CCDC60: variants seen among roughly 807,000 people sequenced by gnomAD.
CCDC60 encodes coiled-coil domain containing 60.
In CCDC60, 54 loss-of-function variants were observed where a neutral mutation model predicts 63.5. The ratio of observed to expected loss-of-function variants is 0.85; its 90% CI spans 0.68 to 1.07. The LOEUF (loss-of-function observed/expected upper bound fraction) is 1.07. CCDC60 is among the 50% of genes least tolerant of loss of function. The pLI is 0.00. For missense variants in CCDC60, 651 were observed against 684.3 expected (o/e 0.95, Z 0.54); for synonymous variants, 206 against 238.8 (o/e 0.86, Z 1.27).
At chr12:119,527,881 C>T (rs112483766) in intron 11 of CCDC60, among the ~76,000 whole-genome samples, 6,815 of 151,352 alleles carry the variant, frequency 0.045, 463 homozygotes, top group African/African-American at 0.16. Context: ...CGGGGTTTCA[C>T]CATGTTAGCC....
At chr12:119,422,898 T>A (rs1024686052) in intron 1 of CCDC60, among the ~76,000 whole-genome samples, 3 of 152,214 alleles carry the variant, frequency 2.0e-5, no homozygotes, top group African/African-American at 7.2e-5. Context: ...GGCAAGTGAA[T>A]TTCAATGGCA....
intron 13 of CCDC60, among the ~76,000 whole-genome samples, chr12:119,533,570 T>C (rs2136542802): frequency 6.6e-6 from 1 of 152,380 alleles, no homozygotes; most frequent in East Asian, 1.9e-4. Flanking sequence ...TTTAAGTCTT[T>C]AATCCATCTT....
chr12:119,537,380 T>G (rs1372651171), intron 13 of CCDC60, among the ~76,000 whole-genome samples: 2 of 152,236 alleles, frequency 1.3e-5, no homozygotes, highest in African/African-American at 2.4e-5. Context: ...TGGAGAAGTT[T>G]GTTATTACCG....
intron 13 of CCDC60, among the ~76,000 whole-genome samples, chr12:119,538,569 A>G (rs1593235538): frequency 6.6e-6 from 1 of 152,344 alleles, no homozygotes; most frequent in East Asian, 1.9e-4. Flanking sequence ...TAAACTGGTT[A>G]TTCTAGTTAG....
chr12:119,340,587 C>T (rs1373850031), intron 1 of CCDC60, among the ~76,000 whole-genome samples: 1 of 151,956 alleles, frequency 6.6e-6, no homozygotes, highest in African/African-American at 2.4e-5. Flanking sequence ...GCCTTAGAAG[C>T]CCAATCCAGC....
chr12:119,479,291 C>A, intron 4 of CCDC60, 90 bp downstream of exon 4: 1 of 863,556 alleles, frequency 1.2e-6, no homozygotes, highest in South Asian at 1.5e-5. Context: ...ATGTCAGTAG[C>A]TGTTCCTTTG....
intron 1 of CCDC60, among the ~76,000 whole-genome samples, chr12:119,361,947 A>T (rs982179775): frequency 5.9e-5 from 9 of 152,250 alleles, no homozygotes; most frequent in Admixed American, 5.2e-4. Flanking sequence ...CAGTATAATG[A>T]GTATGGCCAT....
intron 1 of CCDC60, among the ~76,000 whole-genome samples, chr12:119,412,767 C>T (rs910474421): frequency 8.3e-5 from 10 of 120,760 alleles, no homozygotes; most frequent in East Asian, 3.0e-4. Flanking sequence ...CCCCCCACCC[C>T]CCCCCACCCC....
intron 9 of CCDC60, among the ~76,000 whole-genome samples, chr12:119,520,761 C>G (rs954016145): frequency 3.3e-5 from 5 of 152,040 alleles, no homozygotes; most frequent in African/African-American, 9.7e-5. Flanking sequence ...AGGCTGGTCT[C>G]AAACTCCTGA....
chr12:119,409,506 G>A (rs1267641489), intron 1 of CCDC60, among the ~76,000 whole-genome samples: 3 of 152,126 alleles, frequency 2.0e-5, no homozygotes, highest in African/African-American at 4.8e-5. Flanking sequence ...GCAGCTACTA[G>A]GCAGCAGCAA....
intron 2 of CCDC60, among the ~76,000 whole-genome samples, chr12:119,440,674 T>A (rs1437304646): frequency 6.6e-6 from 1 of 152,032 alleles, no homozygotes; most frequent in Non-Finnish European, 1.5e-5. Context: ...GGAAGTAGTC[T>A]CAGGATCGAC....
At chr12:119,367,007 A>G (rs1015667545) in intron 1 of CCDC60, among the ~76,000 whole-genome samples, 3 of 151,934 alleles carry the variant, frequency 2.0e-5, no homozygotes, top group African/African-American at 7.3e-5. Flanking sequence ...TAATTTTTGT[A>G]TTTTTAATAC....
intron 13 of CCDC60, among the ~76,000 whole-genome samples, chr12:119,532,731 T>C (rs541068412): frequency 2.5e-4 from 38 of 152,340 alleles, no homozygotes; most frequent in Non-Finnish European, 4.1e-4. Flanking sequence ...TCTATGTCCC[T>C]GCAAAGGACA....
At chr12:119,406,444 C>G (rs1287321217) in intron 1 of CCDC60, among the ~76,000 whole-genome samples, 1 of 152,096 alleles carries the variant, frequency 6.6e-6, no homozygotes, top group Non-Finnish European at 1.5e-5. Context: ...TTATTTTCAT[C>G]CCTTCATCCA....
intron 4 of CCDC60, among the ~76,000 whole-genome samples, chr12:119,481,974 T>C (rs557972211): frequency 1.4e-5 from 2 of 143,894 alleles, no homozygotes; most frequent in South Asian, 4.3e-4. Flanking sequence ...CATATATATA[T>C]AGTATATATA....
intron 7 of CCDC60, among the ~76,000 whole-genome samples, chr12:119,516,279 T>C (rs1459895588): frequency 6.6e-6 from 1 of 152,140 alleles, no homozygotes; most frequent in African/African-American, 2.4e-5. Flanking sequence ...CTGATTTTTG[T>C]ATTTTTTGTA....
chr12:119,457,343 G>A (rs1179267584), intron 2 of CCDC60, among the ~76,000 whole-genome samples: 2 of 152,128 alleles, frequency 1.3e-5, no homozygotes, highest in Non-Finnish European at 2.9e-5. Flanking sequence ...ACCCATTAAC[G>A]GGTCTTTCTC....
At chr12:119,416,068 G>T (rs1000800650) in intron 1 of CCDC60, among the ~76,000 whole-genome samples, 1 of 152,086 alleles carries the variant, frequency 6.6e-6, no homozygotes, top group African/African-American at 2.4e-5. Flanking sequence ...ATTCCTTATA[G>T]GGTTGGCATG....
intron 2 of CCDC60, among the ~76,000 whole-genome samples, chr12:119,454,085 G>A (rs769322779): frequency 1.3e-5 from 2 of 152,126 alleles, no homozygotes; most frequent in Non-Finnish European, 2.9e-5. Context: ...TCTCAACGAG[G>A]TAAGATGACT....
Sources: allele counts gnomAD v4.1 joint callset (sites outside exome capture counted in the v4.1 genomes callset), GRCh38; gene constraint gnomAD v4.1.1; transcripts MANE v1.5; gene names NCBI Gene and HGNC (gene_info 2026-07-23, HGNC 2026-07-21).